Variants in TXNDC15 observed in about 807,000 individuals in gnomAD.
TXNDC15 encodes the protein thioredoxin domain-containing protein 15.
A neutral mutation model predicts 35.0 loss-of-function variants in TXNDC15; 24 were observed. That is an observed-to-expected ratio of 0.68 (90% CI 0.50 to 0.96). The LOEUF (loss-of-function observed/expected upper bound fraction) is 0.96. TXNDC15 is among the 40% of genes least tolerant of loss of function. The pLI, the probability that TXNDC15 is intolerant of heterozygous loss-of-function variation, is 0.00. For missense variants in TXNDC15, 385 were observed against 453.3 expected (o/e 0.85, Z 1.37); for synonymous variants, 169 against 174.0 (o/e 0.97, Z 0.23).
At chr5:134,891,933 A>AAATT (rs1440656589) in intron 2 of TXNDC15, among the ~76,000 whole-genome samples, 1 of 152,102 alleles carries the variant, frequency 6.6e-6, no homozygotes, top group Non-Finnish European at 1.5e-5. Context: ...ATAAATAAAT[A>AAATT]ATAAGATTTA....
intron 1 of TXNDC15, among the ~76,000 whole-genome samples, chr5:134,883,587 C>CAAAAAAAAAAAAA (rs60114636): frequency 1.2e-4 from 8 of 65,358 alleles, no homozygotes; most frequent in African/African-American, 5.3e-4. Context: ...GACCCTGTCT[C>CAAAAAAAAAAAAA]AAAAAAAAAA....
At chr5:134,881,885 G>A (rs1357645376) in intron 1 of TXNDC15, among the ~76,000 whole-genome samples, 1 of 151,432 alleles carries the variant, frequency 6.6e-6, no homozygotes. Flanking sequence ...TTCCCAGTAG[G>A]GGCGGCCGGG....
chr5:134,886,751 C>T (rs1750283152), intron 1 of TXNDC15, among the ~76,000 whole-genome samples: 1 of 152,236 alleles, frequency 6.6e-6, no homozygotes, highest in South Asian at 2.1e-4. Flanking sequence ...CAGTGTGGCT[C>T]AGCATCCCCG....
At chr5:134,886,000 G>A (rs1750268781) in intron 1 of TXNDC15, among the ~76,000 whole-genome samples, 1 of 152,182 alleles carries the variant, frequency 6.6e-6, no homozygotes, top group African/African-American at 2.4e-5. Flanking sequence ...GGTAACTGTA[G>A]TTCATAATAG....
At chr5:134,887,579 A>G (rs1750299931) in intron 1 of TXNDC15, 116 bp from the exon 2 acceptor site, 1 of 1,303,444 alleles carries the variant, frequency 7.7e-7, no homozygotes, top group African/African-American at 1.5e-5. Flanking sequence ...AGTTTAATGA[A>G]AGGAGACCTT....
At chr5:134,893,699 G>A (rs1750435036) in intron 3 of TXNDC15, 44 bp downstream of exon 3, 8 of 1,611,308 alleles carry the variant, frequency 5.0e-6, no homozygotes, top group Non-Finnish European at 6.8e-6. Flanking sequence ...CCTGGCTGAT[G>A]GTTGCAGTTA....
intron 1 of TXNDC15, among the ~76,000 whole-genome samples, chr5:134,887,311 A>G (rs1194967618): frequency 2.6e-5 from 4 of 152,072 alleles, no homozygotes; most frequent in African/African-American, 7.2e-5. Flanking sequence ...CAGCCTCCCT[A>G]GTAGCTGGGA....
chr5:134,896,644 T>C (rs981000765), intron 4 of TXNDC15, among the ~76,000 whole-genome samples: 10 of 149,326 alleles, frequency 6.7e-5, no homozygotes, highest in Non-Finnish European at 3.0e-5. Context: ...AGATACTTTT[T>C]TTTTCCCTTT....
chr5:134,897,423 T>A (rs1190073254), intron 4 of TXNDC15, among the ~76,000 whole-genome samples: 1 of 141,644 alleles, frequency 7.1e-6, no homozygotes, highest in Admixed American at 7.0e-5. Context: ...AATTTTTGTA[T>A]TTTTTAGTAG....
chr5:134,899,527 G>T lies in TXNDC15; in HGVS notation c.925G>T (p.Asp309Tyr). Reference protein sequence around the residue: ...AKKNVVVTQADQIGPLPSTLI... With the variant: ...AKKNVVVTQAYQIGPLPSTLI... ...GAAGAATGTGGTGGTAACTCAAGCC[G>T]ACCAAATAGGCCCTCTTCCCAGCAC... Residue 309 changes from aspartate (D) to tyrosine (Y), a missense_variant, in exon 5 of 5, where the codon GAC (aspartate) becomes TAC (tyrosine). Coordinates refer to ENST00000358387, the MANE Select transcript of TXNDC15 (RefSeq NM_024715.4). The T allele has an allele frequency of 6.2e-7, 1 of 1,613,564 alleles. No individual in the cohort carries two copies. Among genetic ancestry groups the T allele is most frequent in the Non-Finnish European group, 8.5e-7 (1 of 1,179,908 alleles).
chr5:134,898,756 T>C (rs1047478237), intron 4 of TXNDC15, among the ~76,000 whole-genome samples: 1 of 152,164 alleles, frequency 6.6e-6, no homozygotes, highest in Non-Finnish European at 1.5e-5. Flanking sequence ...CTTGTTGTTA[T>C]AACAGTTCTT....
upstream of TXNDC15, chr5:134,874,037 G>C (rs1749971831): frequency 5.9e-6 from 1 of 168,744 alleles, no homozygotes; most frequent in Non-Finnish European, 1.3e-5. Flanking sequence ...AGAACAGGAA[G>C]GCTCCTGGGC....
Position 134,888,155 on chromosome 5 carries a change from C to G in TXNDC15, c.564C>G (p.Phe188Leu). Residue 188 changes from phenylalanine to leucine, a missense_variant, in exon 2 of 5, where the codon TTC becomes TTG. Transcript: ENST00000358387. Reference sequence around the variant, plus strand: ...GAAACATTACAGGATTAGAAAATTTCACTCTGAAAATTTTAAATATGTCAC... The same window carrying G: ...GAAACATTACAGGATTAGAAAATTTGACTCTGAAAATTTTAAATATGTCAC... ...EERNITGLENFTLKILNMSQD... is the reference protein window; with the variant it reads ...EERNITGLENLTLKILNMSQD... 1 of 1,604,220 alleles carries G rather than the reference C, an allele frequency of 6.2e-7. No individual in the cohort carries two copies. Among genetic ancestry groups the G allele is most frequent in the Non-Finnish European group, 8.5e-7 (1 of 1,173,988 alleles).
At chr5:134,893,374 C>G in intron 2 of TXNDC15, 118 bp from the exon 3 acceptor site, 1 of 1,240,870 alleles carries the variant, frequency 8.1e-7, no homozygotes, top group South Asian at 1.4e-5. Context: ...TTCCTTCTCT[C>G]GCTGCTCCTA....
At position 134,887,813 on chromosome 5, in the gene TXNDC15, A is replaced by G; in HGVS notation, c.222A>G (p.Ala74=). Residue 74 remains alanine, a synonymous_variant, in exon 2 of 5, where the codon GCA becomes GCG. Transcript: ENST00000358387. ...LLHDPMGQDR[A]AEEANAVLGL... is the part of the protein sequence containing the mutation. ...ATGACCCGATGGGCCAGGACAGGGCAGCAGAAGAGGCCAATGCGGTGCTGG... is the reference window on the plus strand; with the variant it reads ...ATGACCCGATGGGCCAGGACAGGGCGGCAGAAGAGGCCAATGCGGTGCTGG... 2 of 1,614,220 alleles carry G rather than the reference A, an allele frequency of 1.2e-6. No individual in the cohort carries two copies. The highest frequency in any genetic ancestry group is 1.7e-6 in the Non-Finnish European group (2 of 1,180,032).
intron 1 of TXNDC15, among the ~76,000 whole-genome samples, chr5:134,879,799 T>C (rs1173093773): frequency 6.6e-6 from 1 of 150,934 alleles, no homozygotes; most frequent in African/African-American, 2.4e-5. Context: ...CCTGCCTTTT[T>C]TTTTTTTTTT....
intron 1 of TXNDC15, among the ~76,000 whole-genome samples, chr5:134,879,560 C>T: frequency 6.6e-6 from 1 of 152,030 alleles, no homozygotes; most frequent in Admixed American, 6.6e-5. Flanking sequence ...TCTGATCATA[C>T]AGGCAATACA....
At chr5:134,896,147 GA>G in intron 3 of TXNDC15, 146 bp from the exon 4 acceptor site, 1 of 966,662 alleles carries the variant, frequency 1.0e-6, no homozygotes, top group South Asian at 1.8e-5. Flanking sequence ...AGAAACAAAT[GA>G]AAAAGCCAAA....
intron 4 of TXNDC15, 79 bp downstream of exon 4, chr5:134,896,503 T>C: frequency 1.3e-6 from 2 of 1,561,206 alleles, no homozygotes; most frequent in East Asian, 2.3e-5. Flanking sequence ...TGATCTGCTA[T>C]AATCCTTAAG....
Sources: allele counts gnomAD v4.1 joint callset (sites outside exome capture counted in the v4.1 genomes callset), GRCh38; gene constraint gnomAD v4.1.1; transcripts MANE v1.5; gene names NCBI Gene and HGNC (gene_info 2026-07-23, HGNC 2026-07-21).